Variants in LLGL1 observed in about 807,000 individuals in gnomAD.
LLGL1 encodes LLGL scribble cell polarity complex component 1.
A neutral mutation model predicts 110.6 loss-of-function variants in LLGL1; 58 were observed. That is an observed-to-expected ratio of 0.52 (90% CI 0.42 to 0.65). The LOEUF (loss-of-function observed/expected upper bound fraction) is 0.65. LLGL1 is among the 30% of genes least tolerant of loss of function. LLGL1 has a pLI of 0.00. For missense variants in LLGL1, 1,229 were observed against 1,462.1 expected (o/e 0.84, Z 2.60); for synonymous variants, 674 against 607.2 (o/e 1.11, Z -1.62).
chr17:18,233,584 T>G (rs1431663507), intron 4 of LLGL1, among the ~76,000 whole-genome samples, 194 bp from the exon 5 acceptor site: 1 of 152,152 alleles, frequency 6.6e-6, no homozygotes, highest in African/African-American at 2.4e-5. Context: ...TTTATCCATC[T>G]CCCTGCTGAC....
chr17:18,229,970 C>G lies in LLGL1; in HGVS notation c.111C>G (p.Pro37=). ...KTVEHGFPNQ[P]SALAFDPELR... is the part of the protein sequence containing the mutation. ...TGGAGCATGGCTTCCCCAATCAGCC[C>G]AGCGCCCTGGCCTTCGACCCGGAAC... The change falls in exon 2 of 23, where the codon CCC becomes CCG. Residue 37 remains proline, a synonymous_variant. Transcript: ENST00000316843. 6.2e-7 allele frequency: 1 copy of G among 1,611,942 alleles called. No homozygotes were observed. The highest frequency in any genetic ancestry group is 8.5e-7 in the Non-Finnish European group (1 of 1,179,658).
rs1266883044 is a variant in LLGL1 at position 18,240,084 on chromosome 17, G to C, written c.2207-494G>C. 6.6e-6 allele frequency among the ~76,000 whole-genome samples: 1 copy of C among 152,086 alleles called. No individual in the cohort carries two copies. The highest frequency in any genetic ancestry group is 6.5e-5 in the Admixed American group (1 of 15,274). On this transcript the variant is annotated intron_variant, in intron 16 of 22. Transcript: ENST00000316843. The surrounding 1 kb of genome is among the most constrained non-coding windows in gnomAD (Gnocchi z 5.3). Reference sequence around the variant, plus strand: ...CTTGGCGGCTTCCTCTGGCTGCCACGTAGGGAGCACACTGAAGACAGTGGG... The same window carrying C: ...CTTGGCGGCTTCCTCTGGCTGCCACCTAGGGAGCACACTGAAGACAGTGGG...
At chr17:18,242,446 A>G (rs2047862054) in intron 20 of LLGL1, 62 bp from the exon 21 acceptor site, 1 of 1,604,924 alleles carries the variant, frequency 6.2e-7, no homozygotes, top group Non-Finnish European at 8.5e-7. Flanking sequence ...CTGTGTCCCT[A>G]GGCCCCCAGG....
At chr17:18,232,856 G>A (rs754898789) in intron 4 of LLGL1, 54 bp downstream of exon 4, 8 of 1,608,928 alleles carry the variant, frequency 5.0e-6, no homozygotes, top group Non-Finnish European at 6.8e-6. Context: ...TCTGGGGGAG[G>A]CTGTGGGAAC....
intron 16 of LLGL1, among the ~76,000 whole-genome samples, chr17:18,239,449 A>G (rs1238892685): frequency 6.6e-6 from 1 of 152,148 alleles, no homozygotes. Context: ...CATACCTCAC[A>G]TGCCTGCCAC....
Position 18,234,418 on chromosome 17 carries a change from G to T in LLGL1, c.850+10G>T. 6.2e-7 allele frequency: 1 copy of T among 1,611,264 alleles called. No homozygotes were observed. The highest frequency in any genetic ancestry group is 8.5e-7 in the Non-Finnish European group (1 of 1,179,348). On this transcript the variant is annotated intron_variant, in intron 7 of 22. Coordinates refer to ENST00000316843, the MANE Select transcript of LLGL1 (RefSeq NM_004140.4). The stretch of plus-strand genomic sequence containing the variant: ...GCCACCACACCTTACGGTGAGTGCT[G>T]GGGACACCTTAGCCAGAGGGTGGTG...
chr17:18,235,542 G>T lies in LLGL1; in HGVS notation c.1352+5G>T. 1.2e-6 allele frequency: 2 copies of T among 1,613,172 alleles called. No individual in the cohort carries two copies. Among genetic ancestry groups the T allele is most frequent in the Non-Finnish European group, 1.7e-6 (2 of 1,179,606 alleles). ...GCGAGGGCTGCTGCTGACGGGGTAGGTGTGCGTGCTTATGTGGGTGAGTGG... is the reference window on the plus strand; with the variant it reads ...GCGAGGGCTGCTGCTGACGGGGTAGTTGTGCGTGCTTATGTGGGTGAGTGG... On this transcript the variant is annotated splice_donor_5th_base_variant and intron_variant, in intron 11 of 22. Coordinates refer to ENST00000316843, the MANE Select transcript of LLGL1 (RefSeq NM_004140.4).
intron 16 of LLGL1, among the ~76,000 whole-genome samples, chr17:18,238,880 G>A (rs939026690): frequency 3.3e-5 from 5 of 152,126 alleles, no homozygotes; most frequent in East Asian, 1.9e-4. Context: ...GTGTGGTGGC[G>A]GGCGCCTGTA....
At chr17:18,225,795 G>T (rs1001031596) in intron 1 of LLGL1, 32 bp downstream of exon 1, 148 of 946,274 alleles carry the variant, frequency 1.6e-4, no homozygotes, top group Non-Finnish European at 1.9e-4. Context: ...GGGCTCGGGC[G>T]GGAGGGGGCG....
chr17:18,232,469 T>A, intron 2 of LLGL1, 26 bp from the exon 3 acceptor site: 1 of 1,605,914 alleles, frequency 6.2e-7, no homozygotes, highest in Non-Finnish European at 8.5e-7. Flanking sequence ...TCTATGCCTA[T>A]TTCCACCTTG....
At chr17:18,235,726 C>G (rs1172559622) in intron 11 of LLGL1, 189 bp downstream of exon 11, 2 of 606,718 alleles carry the variant, frequency 3.3e-6, no homozygotes, top group Non-Finnish European at 5.8e-6. Flanking sequence ...CTGCCCTGAT[C>G]TGCCTTTTGG....
rs542309382 is a variant in LLGL1 at position 18,242,229 on chromosome 17, C to T, written c.2946C>T (p.Ala982=). ...ACGGGACCCCAAGCATCCTGCTGGCCCCACAGAGCCTTGATGGAAGCCCTG... is the reference window on the plus strand; with the variant it reads ...ACGGGACCCCAAGCATCCTGCTGGCTCCACAGAGCCTTGATGGAAGCCCTG... The part of the protein sequence containing the change: ...QANGTPSILL[A]PQSLDGSPDP... Residue 982 remains alanine, a synonymous_variant, in exon 20 of 23, where the codon GCC becomes GCT. Transcript: ENST00000316843. 3.7e-6 allele frequency: 6 copies of T among 1,614,082 alleles called. No homozygotes were observed. Among genetic ancestry groups the T allele is most frequent in the South Asian group, 2.2e-5 (2 of 91,084 alleles).
At chr17:18,243,647 A>G (rs1200157199) in intron 22 of LLGL1, among the ~76,000 whole-genome samples, 1 of 152,182 alleles carries the variant, frequency 6.6e-6, no homozygotes, top group Non-Finnish European at 1.5e-5. Context: ...TGTAGGCCAT[A>G]GCCTCACCCT....
chr17:18,231,462 G>T (rs2047566681), intron 2 of LLGL1, among the ~76,000 whole-genome samples: 1 of 152,176 alleles, frequency 6.6e-6, no homozygotes. Flanking sequence ...CCTCTGTCAT[G>T]GGGCCCCCTC....
In LLGL1 at chr17:18,235,511, G is replaced by A. The variant is rs758627562; in HGVS notation, c.1326G>A (p.Pro442=). The part of the protein sequence containing the change: ...ITGGRNLAQE[P]SQRGLLLTGH... ...GGGGCCGAAACCTGGCCCAGGAGCC[G>A]TCACAGCGAGGGCTGCTGCTGACGG... is the stretch of plus-strand genomic sequence containing the variant. Residue 442 remains proline, a synonymous_variant, in exon 11 of 23, where the codon CCG becomes CCA. Transcript: ENST00000316843. 29 of 1,613,820 alleles carry A rather than the reference G, an allele frequency of 1.8e-5. No homozygotes were observed. The highest frequency in any genetic ancestry group is 2.3e-5 in the Non-Finnish European group (27 of 1,179,990).
intron 1 of LLGL1, among the ~76,000 whole-genome samples, chr17:18,226,713 C>T (rs1351052301): frequency 2.6e-5 from 4 of 152,240 alleles, no homozygotes; most frequent in Non-Finnish European, 4.4e-5. Context: ...CTTTTCCTTC[C>T]TTTCCCGGAG....
intron 22 of LLGL1, 96 bp downstream of exon 22, chr17:18,242,918 C>A: frequency 8.6e-7 from 1 of 1,166,228 alleles, no homozygotes; most frequent in Non-Finnish European, 1.2e-6. Flanking sequence ...CTACCTGAGA[C>A]CCTGGCAGGC....
intron 21 of LLGL1, 26 bp downstream of exon 21, chr17:18,242,654 G>A: frequency 3.8e-6 from 6 of 1,589,894 alleles, no homozygotes; most frequent in Non-Finnish European, 4.3e-6. Context: ...AGGTCCACAG[G>A]GGGGGCTGCC....
At position 18,241,315 on chromosome 17, in the gene LLGL1, T is replaced by G. The variant is rs1488422099; in HGVS notation, c.2503-136T>G. 6.5e-5 allele frequency: 71 copies of G among 1,100,176 alleles called. No homozygotes were observed. In the South Asian group the frequency reaches 1.0e-3, roughly 16 times the overall value. The allele number at this position is 1,100,176 out of a possible 1,614,324, so 68.2% of individuals were successfully genotyped here. A position where few individuals can be genotyped will look rare whatever the true frequency, so the allele number is the denominator to read the frequency against. ...TCTGGAGTTTAGTGGGGCAGCCAGG[T>G]GTACAGGCACGGGAGGCCACGTAGC... On this transcript the variant is annotated intron_variant, in intron 17 of 22. Transcript: ENST00000316843.
Sources: gnomAD v4.1 joint callset for allele counts (sites outside exome capture counted in the v4.1 genomes callset) on GRCh38, gnomAD v4.1.1 for gene constraint, Gnocchi (gnomAD v3.1) non-coding constraint, MANE v1.5 for transcripts, NCBI Gene and HGNC (gene_info 2026-07-23, HGNC 2026-07-21) for gene names.